The following ADAM20 variants were observed in gnomAD, a reference collection of about 807,000 sequenced individuals.
ADAM20 encodes disintegrin and metalloproteinase domain-containing protein 20.
For missense variants in ADAM20, 871 were observed against 883.2 expected (o/e 0.99, Z 0.18); for synonymous variants, 305 against 310.2 (o/e 0.98, Z 0.18).
intron 1 of ADAM20, 56 bp from the exon 2 acceptor site, chr14:70,524,989 A>G: frequency 7.0e-7 from 1 of 1,422,124 alleles, no homozygotes; most frequent in Non-Finnish European, 9.5e-7. Context: ...GAGAGAGAAA[A>G]AAGGCAAAGT....
At chr14:70,557,974 G>C in the ADAM20 span, among the ~76,000 whole-genome samples, 1 of 152,250 alleles carries the variant, frequency 6.6e-6, no homozygotes, top group Admixed American at 6.5e-5. Flanking sequence ...CCTTAAAAAG[G>C]ACTCATTTCT....
chr14:70,565,027 C>A, the ADAM20 span, among the ~76,000 whole-genome samples: 4 of 150,276 alleles, frequency 2.7e-5, no homozygotes, highest in Non-Finnish European at 3.0e-5. Flanking sequence ...CAGCTCTGGG[C>A]AACAAACACA....
chr14:70,565,753 A>T, the ADAM20 span, among the ~76,000 whole-genome samples: 1 of 152,252 alleles, frequency 6.6e-6, no homozygotes, highest in Non-Finnish European at 1.5e-5. Context: ...TTTACATTTT[A>T]TTGGGTATAA....
the ADAM20 span, among the ~76,000 whole-genome samples, chr14:70,567,103 G>C: frequency 1.2e-4 from 19 of 152,120 alleles, no homozygotes; most frequent in Non-Finnish European, 2.5e-4. Context: ...TGGTGACTTG[G>C]GAATTTCCCA....
chr14:70,558,618 A>G, the ADAM20 span, among the ~76,000 whole-genome samples: 3 of 152,146 alleles, frequency 2.0e-5, no homozygotes, highest in African/African-American at 7.2e-5. Context: ...GGTAAATGCT[A>G]TAACATGGGT....
chr14:70,576,954 C>T, the ADAM20 span, among the ~76,000 whole-genome samples: 9 of 152,086 alleles, frequency 5.9e-5, no homozygotes, highest in African/African-American at 2.2e-4. Context: ...AGTAAATGTT[C>T]CCTGAGCTGG....
chr14:70,529,172 T>C (rs1883655872), intron 1 of ADAM20, among the ~76,000 whole-genome samples: 1 of 152,178 alleles, frequency 6.6e-6, no homozygotes, highest in Non-Finnish European at 1.5e-5. Flanking sequence ...AACCATACTA[T>C]AGACCATATG....
chr14:70,527,332 A>T (rs528591543), intron 1 of ADAM20, among the ~76,000 whole-genome samples: 175 of 152,136 alleles, frequency 1.2e-3, no homozygotes, highest in Non-Finnish European at 2.1e-3. Context: ...TGAATCCTAT[A>T]GCCTTACCTA....
At position 70,524,787 on chromosome 14, in the gene ADAM20, C is replaced by T. The variant is rs1883551636; in HGVS notation, c.-30G>A. On this transcript the variant is annotated 5_prime_UTR_variant, in exon 2 of 2. Transcript: ENST00000256389. ...AAGCTGTCATTATGGAGCCATCTGTCTAGAGCAGAAGAGAACAAGGTGTGA... is the reference window on the plus strand; with the variant it reads ...AAGCTGTCATTATGGAGCCATCTGTTTAGAGCAGAAGAGAACAAGGTGTGA... 1 of 1,613,622 alleles carries T rather than the reference C, an allele frequency of 6.2e-7. No individual in the cohort carries two copies. The highest frequency in any genetic ancestry group is 1.3e-5 in the African/African-American group (1 of 74,898).
At chr14:70,571,200 G>T in the ADAM20 span, among the ~76,000 whole-genome samples, 1 of 152,118 alleles carries the variant, frequency 6.6e-6, no homozygotes, top group African/African-American at 2.4e-5. Context: ...ACAAGACAAG[G>T]ATGTCCACTG....
chr14:70,522,728 G>T lies in ADAM20; in HGVS notation c.2030C>A (p.Pro677His). 6.2e-7 allele frequency: 1 copy of T among 1,614,012 alleles called. No homozygotes were observed. Among genetic ancestry groups the T allele is most frequent in the Non-Finnish European group, 8.5e-7 (1 of 1,179,930 alleles). ...TAATCCTTCCATGTTGTTCTTAGGA[G>T]GTGGGCCACTATCAGCACTACCTCC... is the stretch of plus-strand genomic sequence containing the variant. ...GYGGSADSGP[P>H]PKNNMEGLNV... is the part of the protein sequence containing the mutation. Residue 677 changes from proline (P) to histidine (H), a missense_variant, in exon 2 of 2, where the codon CCT becomes CAT. Pro to His is a moderately conservative substitution (Grantham distance 77). Transcript: ENST00000256389.
upstream of ADAM20, among the ~76,000 whole-genome samples, chr14:70,538,600 T>C (rs1883883868): frequency 6.6e-6 from 1 of 152,106 alleles, no homozygotes; most frequent in Admixed American, 6.6e-5. Context: ...GGTGCATGTA[T>C]GAAGAACACT....
chr14:70,524,081 T>C lies in ADAM20; in HGVS notation c.677A>G (p.Asn226Ser). 1 of 1,613,988 alleles carries C rather than the reference T, an allele frequency of 6.2e-7. No individual in the cohort carries two copies. The highest frequency in any genetic ancestry group is 8.5e-7 in the Non-Finnish European group (1 of 1,179,968). The change falls in exon 2 of 2, where the codon AAT becomes AGT. Residue 226 changes from asparagine to serine, a missense_variant. Asn to Ser is a conservative substitution (Grantham distance 46). Transcript: ENST00000256389. ...TACTTCATGCTGCACTGTTGTTGCA[T>C]TACTTTGAGAGAAAAGATATCTAAT... ...DNIRYLFSQSNATTVQHEVFN... is the reference protein window; with the variant it reads ...DNIRYLFSQSSATTVQHEVFN...
At chr14:70,554,593 G>C in the ADAM20 span, among the ~76,000 whole-genome samples, 6,478 of 152,214 alleles carry the variant, frequency 0.043, 244 homozygotes, top group African/African-American at 0.097. Context: ...AGAATATCCT[G>C]CCATTTACAA....
At chr14:70,545,783 C>T in the ADAM20 span, among the ~76,000 whole-genome samples, 2 of 152,144 alleles carry the variant, frequency 1.3e-5, no homozygotes, top group Non-Finnish European at 2.9e-5. Context: ...CCTCAACATG[C>T]CACTTTCAGC....
chr14:70,571,662 T>C, the ADAM20 span, among the ~76,000 whole-genome samples: 17 of 152,244 alleles, frequency 1.1e-4, no homozygotes, highest in African/African-American at 4.1e-4. Flanking sequence ...AAAGAAACAA[T>C]AGACATCAAA....
In ADAM20 at chr14:70,524,405, ACCC is replaced by A. The variant is rs1883536454; in HGVS notation, c.350_352del (p.Gly117del). The A allele has an allele frequency of 6.2e-7, 1 of 1,613,938 alleles. No individual in the cohort carries two copies. The highest frequency in any genetic ancestry group is 8.5e-7 in the Non-Finnish European group (1 of 1,179,918). On this transcript the variant is annotated inframe_deletion, in exon 2 of 2. Transcript: ENST00000256389. Reference sequence around the variant, plus strand: ...ACTAAGGGCAACCAAGGACTCAGGGACCCCCTCCACATAACCATGGTAGTAGCA... The same window carrying A: ...ACTAAGGGCAACCAAGGACTCAGGGACCTCCACATAACCATGGTAGTAGCA...
the ADAM20 span, among the ~76,000 whole-genome samples, chr14:70,566,325 T>C: frequency 6.6e-6 from 1 of 152,082 alleles, no homozygotes; most frequent in Non-Finnish European, 1.5e-5. Context: ...AAATGGGTAG[T>C]TTTGTATGTG....
Position 70,524,160 on chromosome 14 carries a change from CA to C in ADAM20, c.597del (p.Phe199LeufsTer14), listed in dbSNP as rs1201391034. ...AACCGCTGATGGGTCCACCAGCCCA[CA>C]AAAGAACTTTGCTTCAGAGTGAAAT... Reference protein sequence around the residue: ...SYNFTLKQSSFVGWWTHQRFV... With the variant: ...SYNFTLKQSSXVGWWTHQRFV... On this transcript the variant is annotated frameshift_variant, in exon 2 of 2. Transcript: ENST00000256389. LOFTEE classifies it low-confidence loss of function (END_TRUNC). 2 of 1,613,696 alleles carry C rather than the reference CA, an allele frequency of 1.2e-6. No homozygotes were observed. Among genetic ancestry groups the C allele is most frequent in the East Asian group, 4.5e-5 (2 of 44,852 alleles).
Sources: allele counts gnomAD v4.1 joint callset (sites outside exome capture counted in the v4.1 genomes callset), GRCh38; gene constraint gnomAD v4.1.1; transcripts MANE v1.5; gene names NCBI Gene and HGNC (gene_info 2026-07-23, HGNC 2026-07-21).